The following AP1M1 variants were observed in gnomAD, a reference collection of about 807,000 sequenced individuals.
AP1M1 encodes AP-1 complex subunit mu-1.
In AP1M1, 18 loss-of-function variants were observed where a neutral mutation model predicts 57.1. The observed-to-expected ratio is 0.32, with a 90% CI of 0.22 to 0.47. The LOEUF is 0.47. AP1M1 is among the 20% of genes least tolerant of loss of function. The pLI, the probability that AP1M1 is intolerant of heterozygous loss-of-function variation, is 1.00. For missense variants in AP1M1, 362 were observed against 593.5 expected (o/e 0.61, Z 4.05); for synonymous variants, 241 against 237.9 (o/e 1.01, Z -0.12).
rs2091650685 is a variant in AP1M1, at chr19:16,243,000, A to C, written c.*8565A>C. 4 of 151,814 alleles carry C rather than the reference A, an allele frequency of 2.6e-5. No individual in the cohort carries two copies. The South Asian group carries it at 8.3e-4, about 32-fold the overall frequency. The allele number at this position is 151,814 out of a possible 1,614,324, so 9.4% of individuals were successfully genotyped here. A position where few individuals can be genotyped will look rare whatever the true frequency, so the allele number is the denominator to read the frequency against. On this transcript the variant is annotated 3_prime_UTR_variant, in exon 12 of 12. Transcript: ENST00000291439. ...TTGGCCAGGCTGGTCTTGAACCCTG[A>C]CCTCAGGTGATCCACCCCCACTGGC...
Position 16,203,332 on chromosome 19 carries a change from T to C in AP1M1, c.43-127T>C. The C allele has an allele frequency of 1.1e-6, 1 of 907,654 alleles. No individual in the cohort carries two copies. The highest frequency in any genetic ancestry group is 1.7e-6 in the Non-Finnish European group (1 of 583,318). 56.2% of individuals were successfully genotyped at this position (907,654 alleles called of 1,614,324 possible). On this transcript the variant is annotated intron_variant, in intron 1 of 11. Transcript: ENST00000291439. The surrounding 1 kb of genome is among the most constrained non-coding windows in gnomAD (Gnocchi z 4.6). ...CAGAACGGCCTCAAGTCCTGCTCTT[T>C]TGCGGATAGTGGCCATGACCGGAGT...
In AP1M1 at chr19:16,206,499, G is replaced by A. The variant is rs1162908789; in HGVS notation, c.267+91G>A. The A allele has an allele frequency of 8.7e-6, 12 of 1,379,376 alleles. No homozygotes were observed. In the Admixed American group the frequency reaches 2.1e-4, roughly 24 times the overall value. The allele number at this position is 1,379,376 out of a possible 1,614,324, so 85.4% of individuals were successfully genotyped here. ...CCCATACCTGGCCACCCTACAGAGA[G>A]CTGTGGCATCCCCAGGGAGCACTGG... On this transcript the variant is annotated intron_variant, in intron 3 of 11. Coordinates refer to ENST00000291439, the MANE Select transcript of AP1M1 (RefSeq NM_032493.4). The surrounding 1 kb of genome is among the most constrained non-coding windows in gnomAD (Gnocchi z 4.3).
intron 5 of AP1M1, among the ~76,000 whole-genome samples, chr19:16,219,244 G>A (rs983135311): frequency 2.6e-5 from 4 of 152,062 alleles, no homozygotes; most frequent in Non-Finnish European, 5.9e-5. Flanking sequence ...TGGTCATAGT[G>A]TATTATAGGT....
rs141457321 is a variant in AP1M1 at position 16,203,575 on chromosome 19, G to C, written c.159G>C (p.Gly53=). 278 of 1,613,990 alleles carry C rather than the reference G, an allele frequency of 1.7e-4. No homozygotes were observed. In the African/African-American group the frequency reaches 2.9e-3, roughly 17 times the overall value. The part of the protein sequence containing the change: ...EGMLSPILAH[G]GVRFMWIKHN... ...TGCTGTCGCCCATCCTGGCCCACGGGGGGGTCCGTTTCATGTGGATCAAAC... is the reference window on the plus strand; with the variant it reads ...TGCTGTCGCCCATCCTGGCCCACGGCGGGGTCCGTTTCATGTGGATCAAAC... Residue 53 remains glycine, a synonymous_variant, in exon 2 of 12, where the codon GGG becomes GGC. Coordinates refer to ENST00000291439, the MANE Select transcript of AP1M1 (RefSeq NM_032493.4). This position sits in a 1 kb window ranked among gnomAD's most constrained non-coding sequence, Gnocchi z 4.6.
intron 2 of AP1M1, among the ~76,000 whole-genome samples, chr19:16,204,712 G>A (rs12462404): frequency 0.55 from 83,434 of 152,026 alleles, 25,942 homozygotes; most frequent in Non-Finnish European, 0.71. Context: ...GTTCCTGGTG[G>A]CCGGTGTGCA....
rs1016735742 is a variant in AP1M1, at chr19:16,206,570, G to T, written c.267+162G>T. ...GGAAAGGGGAGTCCCAACTCCCCACGCCTGTGGAATTCTATAGCTCACGTT... is the reference window on the plus strand; with the variant it reads ...GGAAAGGGGAGTCCCAACTCCCCACTCCTGTGGAATTCTATAGCTCACGTT... On this transcript the variant is annotated intron_variant, in intron 3 of 11. Coordinates refer to ENST00000291439, the MANE Select transcript of AP1M1 (RefSeq NM_032493.4). This position sits in a 1 kb window ranked among gnomAD's most constrained non-coding sequence, Gnocchi z 4.3. 2 of 708,274 alleles carry T rather than the reference G, an allele frequency of 2.8e-6. No individual in the cohort carries two copies. Among genetic ancestry groups the T allele is most frequent in the Non-Finnish European group, 4.9e-6 (2 of 406,854 alleles). The allele number at this position is 708,274 out of a possible 1,614,324, so 43.9% of individuals were successfully genotyped here.
At chr19:16,233,664 C>A in intron 10 of AP1M1, 46 bp downstream of exon 10, 7 of 1,574,952 alleles carry the variant, frequency 4.4e-6, no homozygotes, top group South Asian at 1.2e-5. Flanking sequence ...GGACAGAGGC[C>A]GCAGGTGACA....
chr19:16,233,745 T>A, intron 10 of AP1M1, 127 bp downstream of exon 10: 1 of 1,281,142 alleles, frequency 7.8e-7, no homozygotes, highest in Non-Finnish European at 1.1e-6. Flanking sequence ...GCTGTGGGCC[T>A]CTGCCTCCCC....
chr19:16,231,031 G>A (rs1280730669), intron 9 of AP1M1, among the ~76,000 whole-genome samples: 1 of 152,036 alleles, frequency 6.6e-6, no homozygotes, highest in East Asian at 1.9e-4. Flanking sequence ...GCTCACGCCT[G>A]TAATCCCAGC....
At chr19:16,223,213 G>A (rs56118471) in intron 5 of AP1M1, among the ~76,000 whole-genome samples, 16,832 of 152,184 alleles carry the variant, frequency 0.11, 1,162 homozygotes, top group East Asian at 0.33. Flanking sequence ...TAAAGCCCCC[G>A]TGCCATTTCC....
At chr19:16,204,145 G>A (rs547581637) in intron 2 of AP1M1, among the ~76,000 whole-genome samples, 1 of 152,190 alleles carries the variant, frequency 6.6e-6, no homozygotes, top group South Asian at 2.1e-4. Context: ...GTGGGGACAG[G>A]AGAGGACATG....
At chr19:16,210,268 G>T (rs150368426) in intron 5 of AP1M1, 3 of 666,152 alleles carry the variant, frequency 4.5e-6, no homozygotes, top group South Asian at 1.6e-5. Context: ...GGACATTTGG[G>T]TGGTTTTCCA....
rs555511327 is a variant in AP1M1, at chr19:16,207,192, G to T, written c.267+784G>T. On this transcript the variant is annotated intron_variant, in intron 3 of 11. Coordinates refer to ENST00000291439, the MANE Select transcript of AP1M1 (RefSeq NM_032493.4). This position sits in a 1 kb window ranked among gnomAD's most constrained non-coding sequence, Gnocchi z 4.2. Reference sequence around the variant, plus strand: ...GAAAGTGGGGAACAGGACCCAGGAGGCCTGTGCTGGGCCTGGGAAAGCTTT... The same window carrying T: ...GAAAGTGGGGAACAGGACCCAGGAGTCCTGTGCTGGGCCTGGGAAAGCTTT... Among the ~76,000 whole-genome samples the T allele has an allele frequency of 4.3e-4, 66 of 152,138 alleles. No homozygotes were observed. The highest frequency in any genetic ancestry group is 9.3e-4 in the Non-Finnish European group (63 of 68,020).
At chr19:16,215,214 A>C (rs997526241) in intron 5 of AP1M1, among the ~76,000 whole-genome samples, 1 of 2,578 alleles carries the variant, frequency 3.9e-4, no homozygotes, top group Non-Finnish European at 1.7e-3. Context: ...GGGGGGGGAG[A>C]GGGGGGAGGG....
At chr19:16,204,833 CT>C (rs11307046) in intron 2 of AP1M1, among the ~76,000 whole-genome samples, 82,851 of 133,160 alleles carry the variant, frequency 0.62, 27,775 homozygotes, top group Non-Finnish European at 0.78. Context: ...TCTTAGGTGG[CT>C]TTTTTTTTTT....
chr19:16,241,755 G>A lies in AP1M1; in HGVS notation c.*7320G>A, dbSNP rs1428631765. On this transcript the variant is annotated 3_prime_UTR_variant, in exon 12 of 12. Transcript: ENST00000291439. Reference sequence around the variant, plus strand: ...CACGCCTGTAATCCCAGCACTTTGGGAGGCTGAGGCAGGCGGATCACCTGA... The same window carrying A: ...CACGCCTGTAATCCCAGCACTTTGGAAGGCTGAGGCAGGCGGATCACCTGA... 2 of 152,236 alleles carry A rather than the reference G, an allele frequency of 1.3e-5. No individual in the cohort carries two copies. The highest frequency in any genetic ancestry group is 2.9e-5 in the Non-Finnish European group (2 of 68,054). The allele number at this position is 152,236 out of a possible 1,614,324, so 9.4% of individuals were successfully genotyped here. A position where few individuals can be genotyped will look rare whatever the true frequency, so the allele number is the denominator to read the frequency against.
In AP1M1 at chr19:16,207,257, CAG is replaced by C. The variant is rs1021259788; in HGVS notation, c.268-761_268-760del. On this transcript the variant is annotated intron_variant, in intron 3 of 11. Coordinates refer to ENST00000291439, the MANE Select transcript of AP1M1 (RefSeq NM_032493.4). The surrounding 1 kb of genome is among the most constrained non-coding windows in gnomAD (Gnocchi z 4.2). ...GCTGCCTGTGCAGAATGTTGGGGAACAGGGGCAAGCCTGGGCGGTGAGGGCTT... is the reference window on the plus strand; with the variant it reads ...GCTGCCTGTGCAGAATGTTGGGGAACGGGCAAGCCTGGGCGGTGAGGGCTT... Among the ~76,000 whole-genome samples, 4 of 152,098 alleles carry C rather than the reference CAG, an allele frequency of 2.6e-5. No homozygotes were observed. The highest frequency in any genetic ancestry group is 7.2e-5 in the African/African-American group (3 of 41,430).
In AP1M1 at chr19:16,242,827, T is replaced by C. The variant is rs12459534; in HGVS notation, c.*8392T>C. 0.55 allele frequency: 83,597 copies of C among 152,116 alleles called. 25,964 individuals are homozygous for C. Among genetic ancestry groups the C allele is most frequent in the Non-Finnish European group, 0.71 (48,356 of 68,014 alleles). The allele number at this position is 152,116 out of a possible 1,614,324, so 9.4% of individuals were successfully genotyped here. ...GGAGTGCAGTGGCGCGATCTTTGCT[T>C]ACTGCAACCTCCGCCTCCCGGGTTC... On this transcript the variant is annotated 3_prime_UTR_variant, in exon 12 of 12. Transcript: ENST00000291439.
rs766446271 is a variant in AP1M1 at position 16,227,729 on chromosome 19, C to G, written c.816+39C>G. ...CCTGGGGCTGGGCTGTCGGCAGACT[C>G]CTCCTCCCCTTCACCTCCAGGAGGT... On this transcript the variant is annotated intron_variant, in intron 7 of 11. Coordinates refer to ENST00000291439, the MANE Select transcript of AP1M1 (RefSeq NM_032493.4). This position sits in a 1 kb window ranked among gnomAD's most constrained non-coding sequence, Gnocchi z 6.2. 1 of 1,598,736 alleles carries G rather than the reference C, an allele frequency of 6.3e-7. No homozygotes were observed. The highest frequency in any genetic ancestry group is 1.7e-4 in the Middle Eastern group (1 of 6,034).
Sources: allele counts gnomAD v4.1 joint callset (sites outside exome capture counted in the v4.1 genomes callset), GRCh38; gene constraint gnomAD v4.1.1; non-coding constraint Gnocchi (gnomAD v3.1); transcripts MANE v1.5; gene names NCBI Gene and HGNC (gene_info 2026-07-23, HGNC 2026-07-21).